The following RBFOX1 variants were observed in gnomAD, a reference collection of about 807,000 sequenced individuals.
RBFOX1 encodes the protein RNA binding protein fox-1 homolog 1.
A neutral mutation model predicts 57.7 loss-of-function variants in RBFOX1; 8 were observed. The ratio of observed to expected loss-of-function variants is 0.14; its 90% CI spans 0.08 to 0.25. The LOEUF (loss-of-function observed/expected upper bound fraction) is 0.25, where lower values mean the gene tolerates loss of function less well. RBFOX1 is among the 10% of genes least tolerant of loss of function. The pLI, the probability that RBFOX1 is intolerant of heterozygous loss-of-function variation, is 1.00. For synonymous variants in RBFOX1, 326 were observed against 222.4 expected (o/e 1.47, Z -4.15); for missense variants, 611 against 548.5 (o/e 1.11, Z -1.14).
intron 1 of RBFOX1, among the ~76,000 whole-genome samples, chr16:6,218,274 T>C (rs11861676): frequency 0.42 from 47,486 of 113,066 alleles, 7,631 homozygotes; most frequent in South Asian, 0.51. Flanking sequence ...ACTAGTGAAG[T>C]CTTTTTATTT....
At chr16:5,964,792 C>A (rs757939144) in intron 4 of RBFOX1, among the ~76,000 whole-genome samples, 2 of 151,714 alleles carry the variant, frequency 1.3e-5, no homozygotes, top group Non-Finnish European at 2.9e-5. Flanking sequence ...TACACACACA[C>A]ATTGGTGCAT....
In RBFOX1 at chr16:6,028,416, C is replaced by A. The variant is rs1010009231; in HGVS notation, c.-127+8424C>A. The stretch of plus-strand genomic sequence containing the variant: ...GACCGGGCATGGTGGCTCCTGCCTG[C>A]AATCCCAACACTTTGGGAGGCTGAG... On this transcript the variant is annotated intron_variant, in intron 1 of 15. Coordinates refer to ENST00000550418, the MANE Select transcript of RBFOX1 (RefSeq NM_018723.4). Among the ~76,000 whole-genome samples the A allele has an allele frequency of 2.0e-5, 3 of 149,612 alleles. 1 individual carries two copies. The highest frequency in any genetic ancestry group is 4.2e-4 in the South Asian group (2 of 4,732).
At chr16:5,457,819 A>G (rs1007147886) in intron 1 of RBFOX1, among the ~76,000 whole-genome samples, 3 of 152,186 alleles carry the variant, frequency 2.0e-5, no homozygotes, top group Admixed American at 1.3e-4. Flanking sequence ...CCACTGAACC[A>G]TGAGCTCTGT....
intron 1 of RBFOX1, chr16:5,270,700 C>G (rs979454621): frequency 3.9e-6 from 2 of 511,252 alleles, no homozygotes; most frequent in Non-Finnish European, 7.3e-6. Context: ...CTGAGATGTG[C>G]AGACAAATGA....
intron 4 of RBFOX1, among the ~76,000 whole-genome samples, chr16:5,903,514 A>T (rs767293471): frequency 1.9e-4 from 29 of 152,282 alleles, no homozygotes; most frequent in Non-Finnish European, 2.8e-4. Context: ...GCTCATTTGG[A>T]CAGAAGGAAG....
intron 2 of RBFOX1, among the ~76,000 whole-genome samples, chr16:6,583,640 G>C (rs753988164): frequency 2.0e-5 from 3 of 152,186 alleles, no homozygotes; most frequent in Non-Finnish European, 4.4e-5. Flanking sequence ...TCTCTGGCTG[G>C]TTTTGTCAAG....
At chr16:7,321,071 CTATACG>C (rs1254669423) in intron 4 of RBFOX1, among the ~76,000 whole-genome samples, 9 of 72,846 alleles carry the variant, frequency 1.2e-4, no homozygotes, top group African/African-American at 2.6e-4. Context: ...ATCTGTCTAT[CTATACG>C]TATACATATA....
chr16:5,929,346 C>G (rs565699637), intron 4 of RBFOX1, among the ~76,000 whole-genome samples: 20 of 152,046 alleles, frequency 1.3e-4, no homozygotes, highest in East Asian at 9.7e-4. Flanking sequence ...CTTTCTCTGC[C>G]CACCACCCCC....
intron 1 of RBFOX1, among the ~76,000 whole-genome samples, chr16:6,274,897 A>C (rs1456844279): frequency 6.6e-6 from 1 of 152,216 alleles, no homozygotes; most frequent in Non-Finnish European, 1.5e-5. Context: ...TTGATCCATT[A>C]ATGATGAGAA....
At chr16:7,519,750 C>T (rs1325147559) in intron 5 of RBFOX1, 1 of 977,812 alleles carries the variant, frequency 1.0e-6, no homozygotes, top group Non-Finnish European at 1.2e-6. Flanking sequence ...CCCAAGACCT[C>T]AGGAAAGCAA....
intron 1 of RBFOX1, among the ~76,000 whole-genome samples, chr16:5,370,416 G>C (rs185568414): frequency 1.3e-5 from 2 of 150,696 alleles, no homozygotes; most frequent in South Asian, 2.1e-4. Context: ...ATAGGGCACT[G>C]TCTGGGGCAA....
chr16:6,744,901 G>C (rs118041492), intron 3 of RBFOX1, among the ~76,000 whole-genome samples: 3 of 151,972 alleles, frequency 2.0e-5, no homozygotes, highest in Non-Finnish European at 4.4e-5. Flanking sequence ...CCAAAAGCTG[G>C]TGTTTTGAGA....
At chr16:7,291,908 TTATA>T (rs1330430201) in intron 4 of RBFOX1, among the ~76,000 whole-genome samples, 3 of 145,374 alleles carry the variant, frequency 2.1e-5, no homozygotes, top group African/African-American at 7.5e-5. Flanking sequence ...ATATAATGTA[TTATA>T]TATAATATAT....
At chr16:6,012,742 C>G (rs546707883) in intron 4 of RBFOX1, among the ~76,000 whole-genome samples, 3 of 152,264 alleles carry the variant, frequency 2.0e-5, no homozygotes, top group African/African-American at 7.2e-5. Context: ...TTTATTCTTC[C>G]CTGCCCTGCC....
At chr16:6,880,123 T>C (rs1487171319) in intron 3 of RBFOX1, among the ~76,000 whole-genome samples, 1 of 152,170 alleles carries the variant, frequency 6.6e-6, no homozygotes, top group African/African-American at 2.4e-5. Flanking sequence ...AGTTACTTCT[T>C]GTCAGTGGCT....
intron 1 of RBFOX1, among the ~76,000 whole-genome samples, chr16:6,217,860 C>G (rs1247115498): frequency 6.6e-6 from 1 of 152,108 alleles, no homozygotes; most frequent in Non-Finnish European, 1.5e-5. Context: ...AGTAAAACTA[C>G]AAACATTAGC....
rs147002428 is a variant in RBFOX1, at chr16:6,441,960, A to G, written c.-64+124903A>G. 1.4e-3 allele frequency among the ~76,000 whole-genome samples: 217 copies of G among 152,318 alleles called. 2 individuals carry two copies. The highest frequency in any genetic ancestry group is 0.01 in the Middle Eastern group (3 of 294). On this transcript the variant is annotated intron_variant, in intron 2 of 15. Transcript: ENST00000550418. ...TATTAGGATGAATTCCTAGCAAGAT[A>G]TTATGGAATGACAATTCCACATGCC...
chr16:5,820,216 C>T (rs950980788), intron 3 of RBFOX1, among the ~76,000 whole-genome samples: 30 of 152,196 alleles, frequency 2.0e-4, no homozygotes, highest in African/African-American at 7.0e-4. Flanking sequence ...CCATACTCAC[C>T]CCATAGCCTG....
At chr16:6,925,940 G>C (rs947583865) in intron 3 of RBFOX1, among the ~76,000 whole-genome samples, 1 of 151,642 alleles carries the variant, frequency 6.6e-6, no homozygotes, top group East Asian at 1.9e-4. Flanking sequence ...ATTTATTTTA[G>C]TAACCTAAAC....
Sources: gnomAD v4.1 joint callset for allele counts (sites outside exome capture counted in the v4.1 genomes callset) on GRCh38, gnomAD v4.1.1 for gene constraint, MANE v1.5 for transcripts, NCBI Gene and HGNC (gene_info 2026-07-23, HGNC 2026-07-21) for gene names.